The following ELOVL6 variants were observed in gnomAD, a reference collection of about 807,000 sequenced individuals.
ELOVL6 encodes ELOVL fatty acid elongase 6, also known as very long chain fatty acid elongase 6.
Under a neutral mutation model 31.7 loss-of-function variants are expected in ELOVL6, and 8 were observed. That is an observed-to-expected ratio of 0.25 (90% CI 0.15 to 0.45). The LOEUF is 0.45. Ranked by LOEUF, ELOVL6 falls within the 20% of genes least tolerant of loss-of-function variation. The pLI, the probability that ELOVL6 is intolerant of heterozygous loss-of-function variation, is 1.00. For missense variants in ELOVL6, 126 were observed against 326.4 expected (o/e 0.39, Z 4.73); for synonymous variants, 101 against 117.7 (o/e 0.86, Z 0.92).
chr4:110,107,153 G>A (rs1183016223), intron 1 of ELOVL6, among the ~76,000 whole-genome samples: 1 of 152,160 alleles, frequency 6.6e-6, no homozygotes, highest in East Asian at 1.9e-4. Flanking sequence ...AAGGGACCTT[G>A]CTATTTACAC....
intron 2 of ELOVL6, among the ~76,000 whole-genome samples, chr4:110,061,308 A>G (rs1313113456): frequency 6.6e-6 from 1 of 152,048 alleles, no homozygotes; most frequent in Non-Finnish European, 1.5e-5. Flanking sequence ...ACTTTCAGAC[A>G]CTTTCAGTTT....
intron 1 of ELOVL6, among the ~76,000 whole-genome samples, chr4:110,167,999 C>T (rs1318896880): frequency 6.6e-6 from 1 of 152,000 alleles, no homozygotes; most frequent in Non-Finnish European, 1.5e-5. Flanking sequence ...AGATTAAATG[C>T]TTAATTCCAA....
chr4:110,127,265 G>A (rs1757526990), intron 1 of ELOVL6, among the ~76,000 whole-genome samples: 1 of 151,918 alleles, frequency 6.6e-6, no homozygotes, highest in South Asian at 2.1e-4. Context: ...AAATTAGTTG[G>A]GTGTGGTGGT....
chr4:110,147,238 C>G (rs1031103750), intron 1 of ELOVL6: 7 of 161,604 alleles, frequency 4.3e-5, no homozygotes, highest in African/African-American at 1.9e-4. Context: ...AAACTTATGG[C>G]ACAGGATTAA....
chr4:110,176,273 C>T (rs1490806141), intron 1 of ELOVL6, among the ~76,000 whole-genome samples: 4 of 152,046 alleles, frequency 2.6e-5, no homozygotes, highest in Non-Finnish European at 5.9e-5. Context: ...AGTGATTCTC[C>T]TGCCTCAGCC....
At chr4:110,144,307 G>C (rs1053829748) in intron 1 of ELOVL6, among the ~76,000 whole-genome samples, 1 of 152,088 alleles carries the variant, frequency 6.6e-6, no homozygotes, top group African/African-American at 2.4e-5. Flanking sequence ...TACAAGAAAT[G>C]GAGAGCCATA....
chr4:110,168,482 G>A (rs1300724615), intron 1 of ELOVL6, among the ~76,000 whole-genome samples: 1 of 151,456 alleles, frequency 6.6e-6, no homozygotes. Context: ...TCGTGCCATT[G>A]TACTCCAGCC....
At chr4:110,092,600 A>G (rs981811995) in intron 2 of ELOVL6, among the ~76,000 whole-genome samples, 6 of 152,212 alleles carry the variant, frequency 3.9e-5, no homozygotes, top group Non-Finnish European at 8.8e-5. Context: ...CGACCAGAGA[A>G]GAAAAGTCTA....
chr4:110,084,337 C>T (rs1176209485), intron 2 of ELOVL6, among the ~76,000 whole-genome samples: 2 of 64,946 alleles, frequency 3.1e-5, no homozygotes, highest in South Asian at 4.7e-4. Context: ...ATATATATCA[C>T]ATATATGATA....
intron 1 of ELOVL6, among the ~76,000 whole-genome samples, chr4:110,114,612 A>G (rs1466062927): frequency 6.6e-6 from 1 of 152,126 alleles, no homozygotes; most frequent in African/African-American, 2.4e-5. Flanking sequence ...TCCTTCCCCT[A>G]TGGATGACCA....
intron 2 of ELOVL6, among the ~76,000 whole-genome samples, chr4:110,094,421 AT>A (rs1756509507): frequency 8.9e-5 from 5 of 56,076 alleles, no homozygotes; most frequent in Admixed American, 2.6e-4. Context: ...ATATATATAT[AT>A]ATATATATAT....
intron 3 of ELOVL6, among the ~76,000 whole-genome samples, chr4:110,057,105 A>T (rs1158869934): frequency 2.0e-5 from 3 of 152,228 alleles, no homozygotes; most frequent in African/African-American, 7.2e-5. Flanking sequence ...TCAATAAATT[A>T]TTCCTCCAAA....
At position 110,183,930 on chromosome 4, in the gene ELOVL6, T is replaced by C. The variant is rs535636799; in HGVS notation, c.89+14317A>G. On this transcript the variant is annotated intron_variant, in intron 1 of 3. Transcript: ENST00000302274. ...CTGGGAGGCAGACGTTGCAGTGAGC[T>C]GAGATCGTACCACTGTACTCCAGCC... is the stretch of plus-strand genomic sequence containing the variant. 3.3e-5 allele frequency among the ~76,000 whole-genome samples: 5 copies of C among 152,252 alleles called. No homozygotes were observed. The East Asian group carries it at 9.7e-4, about 29-fold the overall frequency.
chr4:110,195,548 A>C (rs776063328), intron 1 of ELOVL6, among the ~76,000 whole-genome samples: 10 of 152,136 alleles, frequency 6.6e-5, no homozygotes, highest in Non-Finnish European at 1.3e-4. Flanking sequence ...TTAAAAAAAA[A>C]CATGAAAGTA....
rs1369246800 is a variant in ELOVL6, at chr4:110,073,208, G to A, written c.222-13454C>T. Among the ~76,000 whole-genome samples, 59 of 152,178 alleles carry A rather than the reference G, an allele frequency of 3.9e-4. 1 individual carries two copies. The highest frequency in any genetic ancestry group is 1.5e-5 in the Non-Finnish European group (1 of 68,020). ...TTATCATCTCCATACCACACGTGCC[G>A]CCAAGCTCATAGGGCTGATAGCGGG... On this transcript the variant is annotated intron_variant, in intron 2 of 3. Transcript: ENST00000302274.
At chr4:110,106,901 CTA>C in intron 1 of ELOVL6, among the ~76,000 whole-genome samples, 1 of 152,248 alleles carries the variant, frequency 6.6e-6, no homozygotes, top group South Asian at 2.1e-4. Context: ...TATAATAGAA[CTA>C]TGATTCGACT....
rs1330418417 is a variant in ELOVL6, at chr4:110,045,934, TGAA to T, written c.*5401_*5403del. The T allele has an allele frequency of 1.3e-5, 2 of 152,170 alleles. No homozygotes were observed. Among genetic ancestry groups the T allele is most frequent in the African/African-American group, 4.8e-5 (2 of 41,436 alleles). The allele number at this position is 152,170 out of a possible 1,614,324, so 9.4% of individuals were successfully genotyped here. On this transcript the variant is annotated 3_prime_UTR_variant, in exon 4 of 4. Transcript: ENST00000302274. ...TTTTTAATGTCGTGAAATAAGCACTTGAAAATAACAACTTCAACATTGCTGTGA... is the reference window on the plus strand; with the variant it reads ...TTTTTAATGTCGTGAAATAAGCACTTAATAACAACTTCAACATTGCTGTGA...
intron 1 of ELOVL6, among the ~76,000 whole-genome samples, chr4:110,138,699 G>A (rs547735000): frequency 4.6e-5 from 7 of 150,912 alleles, no homozygotes; most frequent in African/African-American, 1.7e-4. Flanking sequence ...GTAAGGAGCT[G>A]AGCAATGGTC....
At chr4:110,177,707 C>T (rs919758815) in intron 1 of ELOVL6, among the ~76,000 whole-genome samples, 2 of 152,064 alleles carry the variant, frequency 1.3e-5, no homozygotes, top group Non-Finnish European at 2.9e-5. Flanking sequence ...TCATTGATAA[C>T]ATTATTAAAA....
Sources: allele counts gnomAD v4.1 joint callset (sites outside exome capture counted in the v4.1 genomes callset), GRCh38; gene constraint gnomAD v4.1.1; transcripts MANE v1.5; gene names NCBI Gene and HGNC (gene_info 2026-07-23, HGNC 2026-07-21).